MAPRE3: variants seen among roughly 807,000 people sequenced by gnomAD.
MAPRE3 encodes the protein microtubule-associated protein RP/EB family member 3.
In MAPRE3, 2 loss-of-function variants were observed where a neutral mutation model predicts 30.5. That is an observed-to-expected ratio of 0.07 (90% confidence interval 0.03 to 0.21). MAPRE3 has a LOEUF of 0.21. MAPRE3 is among the 10% of genes least tolerant of loss of function. MAPRE3 has a pLI of 1.00. For missense variants in MAPRE3, 204 were observed against 351.8 expected (o/e 0.58, Z 3.36); for synonymous variants, 110 against 127.7 (o/e 0.86, Z 0.93).
intron 1 of MAPRE3, among the ~76,000 whole-genome samples, chr2:26,977,450 G>C (rs1034199604): frequency 1.2e-4 from 19 of 152,128 alleles, no homozygotes; most frequent in Admixed American, 1.1e-3. Flanking sequence ...TGTATTCCCA[G>C]TTCTCCAGTG....
At chr2:26,990,992 G>A (rs1406214322) in intron 1 of MAPRE3, among the ~76,000 whole-genome samples, 2 of 152,228 alleles carry the variant, frequency 1.3e-5, no homozygotes, top group African/African-American at 2.4e-5. Flanking sequence ...GCAGTCTCAT[G>A]CCTGTAATCC....
rs1341247294 is a variant in MAPRE3, at chr2:27,023,491, C to T, written c.267+14C>T. 6.2e-7 allele frequency: 1 copy of T among 1,613,532 alleles called. No individual in the cohort carries two copies. The highest frequency in any genetic ancestry group is 8.5e-7 in the Non-Finnish European group (1 of 1,179,816). On this transcript the variant is annotated intron_variant, in intron 3 of 6. Transcript: ENST00000233121. ...GGTGTTGACAAAGTAGGTGCCTGCG[C>T]TCTGGGGGGCCCTGAGGAGCAGTGT...
chr2:27,024,308 C>G lies in MAPRE3; in HGVS notation c.469+11C>G. 6.2e-7 allele frequency: 1 copy of G among 1,610,558 alleles called. No homozygotes were observed. Among genetic ancestry groups the G allele is most frequent in the Non-Finnish European group, 8.5e-7 (1 of 1,178,042 alleles). On this transcript the variant is annotated intron_variant, in intron 4 of 6. Coordinates refer to ENST00000233121, the MANE Select transcript of MAPRE3 (RefSeq NM_012326.4). ...TCATTGGCACAGCAGGTAACGTGCC[C>G]GAGCCGGGGGAGGGAGCGTGGGGGG...
intron 1 of MAPRE3, among the ~76,000 whole-genome samples, chr2:26,991,683 C>T (rs1666346701): frequency 6.6e-6 from 1 of 152,142 alleles, no homozygotes; most frequent in African/African-American, 2.4e-5. Flanking sequence ...TTTCTATTTC[C>T]ATCCCTTCAG....
intron 1 of MAPRE3, among the ~76,000 whole-genome samples, chr2:27,017,755 C>G (rs1392249136): frequency 6.6e-6 from 1 of 152,130 alleles, no homozygotes; most frequent in Non-Finnish European, 1.5e-5. Flanking sequence ...GGCTGTGGTT[C>G]TCATACAGGG....
At chr2:26,984,940 G>T (rs1336939970) in intron 1 of MAPRE3, 1 of 152,202 alleles carries the variant, frequency 6.6e-6, no homozygotes, top group Non-Finnish European at 1.5e-5. Flanking sequence ...ACCCCTAGGA[G>T]ATGCTTTCAC....
chr2:27,016,499 C>T (rs1230821694), intron 1 of MAPRE3, among the ~76,000 whole-genome samples: 2 of 151,784 alleles, frequency 1.3e-5, no homozygotes, highest in Non-Finnish European at 2.9e-5. Flanking sequence ...ATTCTCCTGC[C>T]TCAGCCTCCT....
At chr2:27,026,086 C>G (rs977811983) in intron 6 of MAPRE3, 54 bp downstream of exon 6, 26 of 1,603,028 alleles carry the variant, frequency 1.6e-5, no homozygotes, top group Non-Finnish European at 2.1e-5. Context: ...GCCCTAAGAC[C>G]AGAAGCGCGA....
chr2:26,974,270 T>C (rs983460868), intron 1 of MAPRE3, among the ~76,000 whole-genome samples: 5 of 152,252 alleles, frequency 3.3e-5, no homozygotes, highest in Admixed American at 2.0e-4. Context: ...GGGCTTGTTT[T>C]GTCATCTGAG....
chr2:26,989,883 T>G (rs1026710422), intron 1 of MAPRE3, among the ~76,000 whole-genome samples: 1 of 152,154 alleles, frequency 6.6e-6, no homozygotes, highest in Non-Finnish European at 1.5e-5. Flanking sequence ...AAGCTGCAGT[T>G]TTAAGAAATT....
rs987173228 is a variant in MAPRE3 at position 27,023,356 on chromosome 2, A to G, written c.146A>G (p.Asp49Gly). Residue 49 changes from aspartate to glycine, a missense_variant, in exon 3 of 7, where the codon GAC (aspartate) becomes GGC (glycine). Asp to Gly is a moderately conservative substitution (Grantham distance 94). Around this residue, in one of 5 missense-constraint regions of MAPRE3, gnomAD observed 101 missense variants for 205.4 expected, o/e 0.49. Transcript: ENST00000233121. ...GGGGCAGCCTACTGCCAGTTCATGG[A>G]CATGCTCTTCCCCGGCTGTGTGCAC... is the stretch of plus-strand genomic sequence containing the variant. Reference protein sequence around the residue: ...CSGAAYCQFMDMLFPGCVHLR... With the variant: ...CSGAAYCQFMGMLFPGCVHLR... The G allele has an allele frequency of 6.2e-7, 1 of 1,608,056 alleles. No homozygotes were observed. Among genetic ancestry groups the G allele is most frequent in the Non-Finnish European group, 8.5e-7 (1 of 1,174,896 alleles).
chr2:26,983,530 C>A (rs1229887263), intron 1 of MAPRE3, among the ~76,000 whole-genome samples: 1 of 152,164 alleles, frequency 6.6e-6, no homozygotes, highest in Non-Finnish European at 1.5e-5. Flanking sequence ...CTGAGGCCCT[C>A]TCGAAGGGTA....
At chr2:26,991,956 C>T (rs187753777) in intron 1 of MAPRE3, among the ~76,000 whole-genome samples, 1 of 152,140 alleles carries the variant, frequency 6.6e-6, no homozygotes, top group East Asian at 1.9e-4. Context: ...GAAATTGATT[C>T]CCTGCCTTTC....
chr2:26,998,735 C>T (rs142519526), intron 1 of MAPRE3, among the ~76,000 whole-genome samples: 9 of 152,292 alleles, frequency 5.9e-5, no homozygotes, highest in Middle Eastern at 3.4e-3. Context: ...TAACCCAGCC[C>T]AGAGGAACAG....
chr2:27,025,810 C>T (rs368340183), intron 5 of MAPRE3, 70 bp from the exon 6 acceptor site: 67 of 1,613,074 alleles, frequency 4.2e-5, no homozygotes, highest in South Asian at 2.3e-4. Context: ...TCTGCAGGGA[C>T]GAGAGGAGGG....
At chr2:26,975,541 C>T (rs1327805256) in intron 1 of MAPRE3, among the ~76,000 whole-genome samples, 2 of 151,670 alleles carry the variant, frequency 1.3e-5, no homozygotes, top group African/African-American at 4.9e-5. Context: ...AGGAAATACC[C>T]ATGTATAGAC....
chr2:27,019,976 A>G (rs1386502316), intron 1 of MAPRE3, among the ~76,000 whole-genome samples: 1 of 152,214 alleles, frequency 6.6e-6, no homozygotes, highest in African/African-American at 2.4e-5. Flanking sequence ...TCCTCCGGGC[A>G]TCTTGGTCAA....
At chr2:26,975,820 T>A (rs1666004953) in intron 1 of MAPRE3, among the ~76,000 whole-genome samples, 1 of 152,140 alleles carries the variant, frequency 6.6e-6, no homozygotes, top group Admixed American at 6.6e-5. Flanking sequence ...GTTTGACAGC[T>A]TCAAGCAGGC....
chr2:26,977,271 A>C (rs1009686384), intron 1 of MAPRE3, among the ~76,000 whole-genome samples: 24 of 152,196 alleles, frequency 1.6e-4, no homozygotes, highest in South Asian at 6.2e-4. Context: ...TAATTATGAC[A>C]TTTTAAAACC....
Sources: gnomAD v4.1 joint callset for allele counts (sites outside exome capture counted in the v4.1 genomes callset) on GRCh38, gnomAD v4.1.1 for gene constraint, gnomAD v4.1.1 regional missense constraint, MANE v1.5 for transcripts, NCBI Gene and HGNC (gene_info 2026-07-23, HGNC 2026-07-21) for gene names.